The following TENM4 variants were observed in gnomAD, a reference collection of about 807,000 sequenced individuals.
TENM4 encodes teneurin transmembrane protein 4, also known as teneurin-4.
A neutral mutation model predicts 243.3 loss-of-function variants in TENM4; 82 were observed. The observed-to-expected ratio is 0.34, with a 90% CI of 0.28 to 0.40. The LOEUF (loss-of-function observed/expected upper bound fraction) is 0.40, where lower values mean the gene tolerates loss of function less well. Ranked by LOEUF, TENM4 falls within the 10% of genes least tolerant of loss-of-function variation. The probability of loss-of-function intolerance (pLI) is 1.00; values close to 1 mark genes in which losing one functional copy is unlikely to be tolerated. For missense variants in TENM4, 3,138 were observed against 3,673.3 expected, an observed-to-expected ratio of 0.85 and a Z score of 3.77; for synonymous variants, 1,412 against 1,456.3, an observed-to-expected ratio of 0.97 and a Z score of 0.69.
In TENM4 at chr11:78,658,373, G is replaced by A. The variant is rs764537479; in HGVS notation, c.7995C>T (p.Asp2665=). 4 of 1,614,044 alleles carry A rather than the reference G, an allele frequency of 2.5e-6. No homozygotes were observed. Among genetic ancestry groups the A allele is most frequent in the East Asian group, 4.5e-5 (2 of 44,886 alleles). Residue 2665 remains aspartate, a synonymous_variant, in exon 34 of 34, where the codon GAC becomes GAT. Coordinates refer to ENST00000278550, the MANE Select transcript of TENM4 (RefSeq NM_001098816.3). ...VLNGRTRRYT[D]IQLQYGALCL... is the part of the protein sequence containing the mutation. ...ACAGTGCCCCGTACTGGAGCTGGAT[G>A]TCTGTGTAGCGTCTAGTCCTGCCAT...
In TENM4 at chr11:78,732,161, G is replaced by T. The variant is rs559908071; in HGVS notation, c.3138+155C>A. Reference sequence around the variant, plus strand: ...CTCATGCCCTTACACCATGCCTGCTGTGGGGTTTGGTGGCTGGATTTTGCA... The same window carrying T: ...CTCATGCCCTTACACCATGCCTGCTTTGGGGTTTGGTGGCTGGATTTTGCA... On this transcript the variant is annotated intron_variant, in intron 21 of 33. Transcript: ENST00000278550. Among the ~76,000 whole-genome samples, 7 of 152,306 alleles carry T rather than the reference G, an allele frequency of 4.6e-5. No individual in the cohort carries two copies. The South Asian group carries it at 1.5e-3, about 32-fold the overall frequency.
chr11:79,030,833 G>T (rs925882331), intron 6 of TENM4, among the ~76,000 whole-genome samples: 2 of 152,102 alleles, frequency 1.3e-5, no homozygotes, highest in Admixed American at 1.3e-4. Context: ...AAGATCCAGC[G>T]CCCCTGAGAA....
intron 2 of TENM4, among the ~76,000 whole-genome samples, chr11:79,268,102 CA>C (rs1319243119): frequency 1.3e-5 from 2 of 152,110 alleles, no homozygotes; most frequent in Non-Finnish European, 2.9e-5. Context: ...GGGAAAAGCA[CA>C]AAAAATTCTG....
At chr11:79,310,112 C>T (rs1369207316) in intron 1 of TENM4, among the ~76,000 whole-genome samples, 4 of 152,212 alleles carry the variant, frequency 2.6e-5, no homozygotes, top group Non-Finnish European at 2.9e-5. Flanking sequence ...CCTTAGCCAG[C>T]TCAGTCTACC....
intron 3 of TENM4, among the ~76,000 whole-genome samples, chr11:79,194,988 G>A (rs1473626361): frequency 6.6e-6 from 1 of 152,204 alleles, no homozygotes; most frequent in Non-Finnish European, 1.5e-5. Flanking sequence ...TGCAGCCTAG[G>A]GACTTGGTGC....
intron 2 of TENM4, among the ~76,000 whole-genome samples, chr11:79,291,157 G>A (rs1284714977): frequency 1.3e-5 from 2 of 152,174 alleles, no homozygotes; most frequent in Non-Finnish European, 2.9e-5. Context: ...ACATAGCCAT[G>A]TGGATTGGTG....
At chr11:79,259,875 T>C (rs59147370) in intron 2 of TENM4, among the ~76,000 whole-genome samples, 22,824 of 152,160 alleles carry the variant, frequency 0.15, 1,900 homozygotes, top group African/African-American at 0.23. Flanking sequence ...TGGGTTAATA[T>C]CACATCGCTT....
chr11:78,989,727 T>C (rs1857995378), intron 6 of TENM4, among the ~76,000 whole-genome samples: 1 of 152,148 alleles, frequency 6.6e-6, no homozygotes, highest in South Asian at 2.1e-4. Flanking sequence ...CAGTGCTTAA[T>C]GAATGCAGCA....
At chr11:78,927,484 A>G (rs1465366413) in intron 6 of TENM4, among the ~76,000 whole-genome samples, 1 of 152,250 alleles carries the variant, frequency 6.6e-6, no homozygotes, top group African/African-American at 2.4e-5. Context: ...ATACAGGTCA[A>G]AAATATAAAA....
At chr11:78,973,198 C>T (rs967795668) in intron 6 of TENM4, among the ~76,000 whole-genome samples, 1 of 152,218 alleles carries the variant, frequency 6.6e-6, no homozygotes, top group Admixed American at 6.5e-5. Context: ...TTTGGGTATA[C>T]ACCTAGGAGT....
chr11:79,135,470 T>C (rs1290076879), intron 4 of TENM4, among the ~76,000 whole-genome samples: 4 of 151,986 alleles, frequency 2.6e-5, no homozygotes, highest in Non-Finnish European at 5.9e-5. Flanking sequence ...AAAGTAGAAC[T>C]ACCATTTGAC....
At chr11:78,953,142 A>T (rs1857138353) in intron 6 of TENM4, among the ~76,000 whole-genome samples, 1 of 152,202 alleles carries the variant, frequency 6.6e-6, no homozygotes, top group African/African-American at 2.4e-5. Context: ...ATCTGGTACC[A>T]AACATCAGCA....
intron 1 of TENM4, among the ~76,000 whole-genome samples, chr11:79,413,803 A>G (rs1467053719): frequency 1.3e-5 from 2 of 152,210 alleles, no homozygotes; most frequent in Non-Finnish European, 2.9e-5. Context: ...GTGGTTATGT[A>G]GAAGAATGTC....
intron 3 of TENM4, among the ~76,000 whole-genome samples, chr11:79,195,447 TGCAAA>T (rs1290463594): frequency 4.6e-5 from 7 of 152,202 alleles, no homozygotes; most frequent in Admixed American, 2.0e-4. Flanking sequence ...GGCTGTACCC[TGCAAA>T]GCCAAAGAGG....
At chr11:79,011,335 C>T (rs75669017) in intron 6 of TENM4, among the ~76,000 whole-genome samples, 11,661 of 152,238 alleles carry the variant, frequency 0.077, 554 homozygotes, top group Middle Eastern at 0.14. Flanking sequence ...ACAGCAGGGA[C>T]TGTGTCCTTT....
chr11:78,946,542 A>C (rs1457089554), intron 6 of TENM4, among the ~76,000 whole-genome samples: 4 of 152,238 alleles, frequency 2.6e-5, no homozygotes, highest in African/African-American at 9.6e-5. Context: ...TGGATCAAAA[A>C]GTAATTTTGA....
intron 3 of TENM4, among the ~76,000 whole-genome samples, chr11:79,180,107 A>C (rs564641173): frequency 6.6e-6 from 1 of 151,858 alleles, no homozygotes; most frequent in South Asian, 2.1e-4. Context: ...AAATTAACCA[A>C]AGCAATGAGG....
intron 2 of TENM4, among the ~76,000 whole-genome samples, chr11:79,284,360 T>C (rs1260692292): frequency 1.3e-5 from 2 of 152,204 alleles, no homozygotes; most frequent in East Asian, 1.9e-4. Context: ...TGAGTAGATA[T>C]ATAGATCAAT....
chr11:79,373,819 G>A (rs1038118926), intron 1 of TENM4, among the ~76,000 whole-genome samples: 11 of 152,154 alleles, frequency 7.2e-5, no homozygotes, highest in Non-Finnish European at 1.0e-4. Context: ...TCACCATAGA[G>A]TCAAAAGTAA....
Sources: allele counts gnomAD v4.1 joint callset (sites outside exome capture counted in the v4.1 genomes callset), GRCh38; gene constraint gnomAD v4.1.1; transcripts MANE v1.5; gene names NCBI Gene and HGNC (gene_info 2026-07-23, HGNC 2026-07-21).